Variants in RPS6KA2 observed in about 807,000 individuals in gnomAD.
RPS6KA2 encodes ribosomal protein S6 kinase A2, also known as ribosomal protein S6 kinase alpha-2.
RPS6KA2 carries 42 observed loss-of-function variants against 91.8 expected under a neutral mutation model. The observed-to-expected ratio is 0.46, with a 90% confidence interval of 0.36 to 0.59. RPS6KA2 has a LOEUF of 0.59. RPS6KA2 is among the 20% of genes least tolerant of loss of function. The pLI, the probability that RPS6KA2 is intolerant of heterozygous loss-of-function variation, is 0.00. For missense variants in RPS6KA2, 798 were observed against 978.5 expected (o/e 0.82, Z 2.46); for synonymous variants, 414 against 393.6 (o/e 1.05, Z -0.61).
chr6:166,771,420 G>A (rs943633696), intron 2 of RPS6KA2, among the ~76,000 whole-genome samples: 1 of 152,196 alleles, frequency 6.6e-6, no homozygotes, highest in Admixed American at 6.5e-5. Context: ...AAACCCGGAA[G>A]CGCGTGTGTC....
At chr6:166,670,292 C>T (rs373624778) in intron 2 of RPS6KA2, among the ~76,000 whole-genome samples, 4 of 152,330 alleles carry the variant, frequency 2.6e-5, no homozygotes, top group South Asian at 2.1e-4. Flanking sequence ...CTGCAACACG[C>T]GCATGAGTGA....
chr6:166,464,594 G>A (rs1780451469), intron 11 of RPS6KA2, among the ~76,000 whole-genome samples: 1 of 152,184 alleles, frequency 6.6e-6, no homozygotes, highest in East Asian at 1.9e-4. Context: ...ACGCCAGGCT[G>A]GGCTGGGAGC....
At chr6:166,794,644 G>A (rs1395141652) in intron 2 of RPS6KA2, among the ~76,000 whole-genome samples, 1 of 150,434 alleles carries the variant, frequency 6.6e-6, no homozygotes, top group African/African-American at 2.5e-5. Flanking sequence ...AGAAAATGTG[G>A]CACATATACA....
intron 2 of RPS6KA2, among the ~76,000 whole-genome samples, chr6:166,654,874 C>T (rs757126067): frequency 6.6e-6 from 1 of 152,144 alleles, no homozygotes; most frequent in South Asian, 2.1e-4. Flanking sequence ...GTGAAGATAA[C>T]CTTTCCCATC....
chr6:166,783,862 C>T lies in RPS6KA2; in HGVS notation c.123+74338G>A, dbSNP rs76027570. Among the ~76,000 whole-genome samples, 289 of 74,310 alleles carry T rather than the reference C, an allele frequency of 3.9e-3. 1 individual carries two copies. Among genetic ancestry groups the T allele is most frequent in the African/African-American group, 0.012 (148 of 12,592 alleles). 48.8% of individuals were successfully genotyped at this position (74,310 alleles called of 152,430 possible). On this transcript the variant is annotated intron_variant, in intron 2 of 21. Coordinates refer to the RPS6KA2 transcript ENST00000503859. ...CACCTATCTATACCACATATGCACACGTGCACACCTACGCATCACCACATA... is the reference window on the plus strand; with the variant it reads ...CACCTATCTATACCACATATGCACATGTGCACACCTACGCATCACCACATA...
Position 166,849,389 on chromosome 6 carries a change from T to G in RPS6KA2, c.123+8811A>C, listed in dbSNP as rs1780680521. On this transcript the variant is annotated intron_variant, in intron 2 of 21. Transcript: ENST00000503859. The surrounding 1 kb of genome is among the most constrained non-coding windows in gnomAD (Gnocchi z 4.9). ...GCTAGTTGTTTATTTGCGAGGATGC[T>G]AAAATATAAGATTCGTGCTGTCTTC... Among the ~76,000 whole-genome samples the G allele has an allele frequency of 6.6e-6, 1 of 152,194 alleles. No individual in the cohort carries two copies. Among genetic ancestry groups the G allele is most frequent in the Non-Finnish European group, 1.5e-5 (1 of 68,024 alleles).
chr6:166,555,819 G>T (rs1459613530), intron 1 of RPS6KA2, among the ~76,000 whole-genome samples: 1 of 152,126 alleles, frequency 6.6e-6, no homozygotes, highest in East Asian at 1.9e-4. Context: ...CATCAGAGAG[G>T]TGGGCTGCTG....
chr6:166,600,614 C>T (rs1176549661), intron 1 of RPS6KA2, among the ~76,000 whole-genome samples: 1 of 152,180 alleles, frequency 6.6e-6, no homozygotes, highest in African/African-American at 2.4e-5. Flanking sequence ...TAAGAACCTA[C>T]GAGAGTCTAA....
At chr6:166,680,778 A>G (rs1788778165) in intron 2 of RPS6KA2, among the ~76,000 whole-genome samples, 1 of 152,080 alleles carries the variant, frequency 6.6e-6, no homozygotes, top group Admixed American at 6.6e-5. Flanking sequence ...GAACTGTAAC[A>G]CTCATCACTA....
chr6:166,802,543 C>CT (rs1191283925), intron 2 of RPS6KA2, among the ~76,000 whole-genome samples: 1 of 152,184 alleles, frequency 6.6e-6, no homozygotes, highest in African/African-American at 2.4e-5. Flanking sequence ...GCACGACCGT[C>CT]TGCCAGACAC....
chr6:166,610,551 C>T (rs1399664297), intron 1 of RPS6KA2, among the ~76,000 whole-genome samples: 2 of 152,182 alleles, frequency 1.3e-5, no homozygotes, highest in East Asian at 3.8e-4. Flanking sequence ...TGCCGAGGGC[C>T]ATGGAGGCCT....
chr6:166,839,228 CT>C (rs1214939056), intron 2 of RPS6KA2, among the ~76,000 whole-genome samples: 1 of 152,106 alleles, frequency 6.6e-6, no homozygotes, highest in Non-Finnish European at 1.5e-5. Context: ...GTCTTTATTG[CT>C]TTTTTCCTGT....
intron 2 of RPS6KA2, among the ~76,000 whole-genome samples, chr6:166,817,076 G>A (rs1779784189): frequency 6.6e-6 from 1 of 152,206 alleles, no homozygotes; most frequent in Admixed American, 6.5e-5. Flanking sequence ...GATTAAATGT[G>A]TGTGCCTTTC....
chr6:166,488,883 G>A lies in RPS6KA2; in HGVS notation c.857C>T (p.Ala286Val). The A allele has an allele frequency of 6.2e-7, 1 of 1,613,808 alleles. No homozygotes were observed. The highest frequency in any genetic ancestry group is 1.3e-5 in the African/African-American group (1 of 75,042). The change falls in exon 10 of 21, where the codon GCA (alanine) becomes GTA (valine). Residue 286 changes from alanine (A) to valine (V), a missense_variant. Transcript: ENST00000265678. ...GAAGAGAGCTCGCAGCAAACTCTGTGCCTCCCCACTGAGGAACTGCGGCAT... is the reference window on the plus strand; with the variant it reads ...GAAGAGAGCTCGCAGCAAACTCTGTACCTCCCCACTGAGGAACTGCGGCAT... ...LGMPQFLSGEAQSLLRALFKR... is the reference protein window; with the variant it reads ...LGMPQFLSGEVQSLLRALFKR...
At position 166,825,188 on chromosome 6, in the gene RPS6KA2, C is replaced by CT. The variant is rs896968297; in HGVS notation, c.123+33011dup. On this transcript the variant is annotated intron_variant, in intron 2 of 21. Coordinates refer to the RPS6KA2 transcript ENST00000503859. This position sits in a 1 kb window ranked among gnomAD's most constrained non-coding sequence, Gnocchi z 4.1. ...AGCGGGCTCCCCACAAATGGGGGCT[C>CT]TGAGTTGAGGGGTGCTGGATGCTGA... Among the ~76,000 whole-genome samples the CT allele has an allele frequency of 3.3e-5, 5 of 152,124 alleles. No individual in the cohort carries two copies. Among genetic ancestry groups the CT allele is most frequent in the African/African-American group, 1.2e-4 (5 of 41,414 alleles).
chr6:166,588,838 A>C (rs3799597), intron 1 of RPS6KA2, among the ~76,000 whole-genome samples: 63,158 of 151,750 alleles, frequency 0.42, 13,977 homozygotes, highest in African/African-American at 0.55. Flanking sequence ...CTCCGTGCTC[A>C]CTGTCAACCC....
In RPS6KA2 at chr6:166,648,889, A is replaced by G. The variant is rs1248630995; in HGVS notation, c.124-110105T>C. ...TGCATTTCACCCATCACCAAGGCCC[A>G]TAGAGTCTACCTTGCAGCGTCTCAC... On this transcript the variant is annotated intron_variant, in intron 2 of 21. Transcript: ENST00000503859. The surrounding 1 kb of genome is among the most constrained non-coding windows in gnomAD (Gnocchi z 4.8). Among the ~76,000 whole-genome samples, 6 of 152,092 alleles carry G rather than the reference A, an allele frequency of 3.9e-5. No homozygotes were observed. The highest frequency in any genetic ancestry group is 1.4e-4 in the African/African-American group (6 of 41,400).
chr6:166,823,456 TG>T (rs1779956168), intron 2 of RPS6KA2, among the ~76,000 whole-genome samples: 1 of 151,778 alleles, frequency 6.6e-6, no homozygotes, highest in Non-Finnish European at 1.5e-5. Flanking sequence ...TGTGTGTGTG[TG>T]TGTGTGTGTG....
chr6:166,518,406 CAA>C (rs942129897), intron 3 of RPS6KA2, among the ~76,000 whole-genome samples: 15 of 151,136 alleles, frequency 9.9e-5, no homozygotes, highest in Non-Finnish European at 2.2e-4. Flanking sequence ...ATTGGCCATT[CAA>C]AAAGATTATA....
Sources: gnomAD v4.1 joint callset for allele counts (sites outside exome capture counted in the v4.1 genomes callset) on GRCh38, gnomAD v4.1.1 for gene constraint, Gnocchi (gnomAD v3.1) non-coding constraint, MANE v1.5 for transcripts, NCBI Gene and HGNC (gene_info 2026-07-23, HGNC 2026-07-21) for gene names.